Variants in OPCML observed in about 807,000 individuals in gnomAD.
OPCML encodes the protein opioid-binding protein/cell adhesion molecule.
In OPCML, 13 loss-of-function variants were observed where a neutral mutation model predicts 37.8. The ratio of observed to expected loss-of-function variants is 0.34; its 90% CI spans 0.22 to 0.55. OPCML has a LOEUF of 0.55. Ranked by LOEUF, OPCML falls within the 20% of genes least tolerant of loss-of-function variation. The pLI, the probability that OPCML is intolerant of heterozygous loss-of-function variation, is 0.91. For synonymous variants in OPCML, 176 were observed against 168.8 expected, an observed-to-expected ratio of 1.04 and a Z score of -0.33; for missense variants, 341 against 435.6, an observed-to-expected ratio of 0.78 and a Z score of 1.93.
intron 4 of OPCML, among the ~76,000 whole-genome samples, chr11:132,510,474 A>G (rs1434214625): frequency 1.3e-5 from 2 of 152,120 alleles, no homozygotes; most frequent in Non-Finnish European, 2.9e-5. Flanking sequence ...TCTCATCTTG[A>G]ATTGTATCTC....
At chr11:133,054,586 C>A (rs1033063188) in intron 1 of OPCML, among the ~76,000 whole-genome samples, 8 of 152,348 alleles carry the variant, frequency 5.3e-5, no homozygotes, top group African/African-American at 1.4e-4. Flanking sequence ...CACATCATCA[C>A]AGGGGCATAG....
rs138153737 is a variant in OPCML, at chr11:133,151,813, T to A, written c.62-208803A>T. ...AATCTTGGTCTAGAGTTCTCTAGAT[T>A]TCAGCAAAAATCTCAACTGAGATCC... On this transcript the variant is annotated intron_variant, in intron 1 of 7. Coordinates refer to ENST00000524381, the MANE Select transcript of OPCML (RefSeq NM_001012393.5). Among the ~76,000 whole-genome samples the A allele has an allele frequency of 1.1e-3, 171 of 152,118 alleles. 2 individuals carry two copies. Among genetic ancestry groups the A allele is most frequent in the African/African-American group, 4.1e-3 (169 of 41,494 alleles).
At chr11:133,497,444 T>C (rs948039889) in intron 1 of OPCML, among the ~76,000 whole-genome samples, 4 of 152,202 alleles carry the variant, frequency 2.6e-5, no homozygotes, top group Admixed American at 6.5e-5. Context: ...TTGCCTTTCA[T>C]TGAGCGTTTC....
At chr11:133,372,914 T>C (rs1170155852) in intron 1 of OPCML, among the ~76,000 whole-genome samples, 1 of 152,230 alleles carries the variant, frequency 6.6e-6, no homozygotes, top group Non-Finnish European at 1.5e-5. Flanking sequence ...TTACTTTACA[T>C]AGGCATTTGA....
chr11:132,982,039 C>T (rs1213601909), intron 1 of OPCML, among the ~76,000 whole-genome samples: 7 of 152,124 alleles, frequency 4.6e-5, no homozygotes, highest in Admixed American at 3.3e-4. Context: ...TAATGTTCTG[C>T]CGAGCCTTGT....
chr11:133,164,115 C>T (rs1345784593), intron 1 of OPCML, among the ~76,000 whole-genome samples: 1 of 152,184 alleles, frequency 6.6e-6, no homozygotes, highest in East Asian at 1.9e-4. Flanking sequence ...ATTAAGTGAC[C>T]TTATACCAAG....
intron 4 of OPCML, among the ~76,000 whole-genome samples, chr11:132,450,570 G>A (rs978141881): frequency 6.6e-6 from 1 of 152,036 alleles, no homozygotes; most frequent in African/African-American, 2.4e-5. Flanking sequence ...TACTTCCACT[G>A]GACTCTAGAG....
At chr11:132,982,514 CAAA>C (rs71696344) in intron 1 of OPCML, among the ~76,000 whole-genome samples, 10,467 of 134,976 alleles carry the variant, frequency 0.078, 753 homozygotes, top group East Asian at 0.25. Context: ...AGGCTTAGAG[CAAA>C]AAAAAAAAAA....
chr11:133,337,451 G>T lies in OPCML; in HGVS notation c.61+194813C>A, dbSNP rs149076248. Among the ~76,000 whole-genome samples the T allele has an allele frequency of 4.1e-3, 618 of 152,306 alleles. 4 individuals are homozygous for T. Among genetic ancestry groups the T allele is most frequent in the African/African-American group, 0.013 (539 of 41,572 alleles). On this transcript the variant is annotated intron_variant, in intron 1 of 7. Transcript: ENST00000524381. Reference sequence around the variant, plus strand: ...CCATGGAAGTCTCGCAGGATCCGCTGCAGGGCCAGTAACAACAGAGACTGC... The same window carrying T: ...CCATGGAAGTCTCGCAGGATCCGCTTCAGGGCCAGTAACAACAGAGACTGC...
chr11:132,775,048 T>C (rs909594012), intron 2 of OPCML, among the ~76,000 whole-genome samples: 1 of 152,216 alleles, frequency 6.6e-6, no homozygotes, highest in South Asian at 2.1e-4. Context: ...TATATTACAA[T>C]TGATATTTTT....
intron 1 of OPCML, among the ~76,000 whole-genome samples, chr11:133,333,118 G>C (rs577102418): frequency 6.6e-6 from 1 of 152,230 alleles, no homozygotes; most frequent in East Asian, 1.9e-4. Context: ...GAGTGCAATG[G>C]TGTGATCTCA....
At chr11:133,082,957 G>C (rs1411735084) in intron 1 of OPCML, among the ~76,000 whole-genome samples, 1 of 150,826 alleles carries the variant, frequency 6.6e-6, no homozygotes, top group Non-Finnish European at 1.5e-5. Context: ...GTGCCTCGCC[G>C]GGACCGCACC....
At chr11:133,454,401 A>G (rs1282461559) in intron 1 of OPCML, among the ~76,000 whole-genome samples, 2 of 152,222 alleles carry the variant, frequency 1.3e-5, no homozygotes, top group Non-Finnish European at 2.9e-5. Context: ...GCCATAGATT[A>G]GCAACAAAAT....
chr11:132,609,025 C>T (rs1305418407), intron 3 of OPCML, among the ~76,000 whole-genome samples: 1 of 152,136 alleles, frequency 6.6e-6, no homozygotes, highest in African/African-American at 2.4e-5. Context: ...CCTCCCCTGT[C>T]TTACTATGAT....
chr11:132,754,642 T>C (rs1414560247), intron 2 of OPCML, among the ~76,000 whole-genome samples: 1 of 152,078 alleles, frequency 6.6e-6, no homozygotes, highest in African/African-American at 2.4e-5. Context: ...ACTGGGAGAT[T>C]CTCCTGAGAA....
intron 4 of OPCML, among the ~76,000 whole-genome samples, chr11:132,524,240 G>A (rs569511093): frequency 7.9e-5 from 12 of 152,270 alleles, no homozygotes; most frequent in South Asian, 6.2e-4. Flanking sequence ...TTTCAGGAAC[G>A]GGAAAGGAAG....
At chr11:133,178,942 T>C (rs1565488573) in intron 1 of OPCML, among the ~76,000 whole-genome samples, 1 of 152,174 alleles carries the variant, frequency 6.6e-6, no homozygotes, top group Non-Finnish European at 1.5e-5. Flanking sequence ...TCGCTGCCTC[T>C]AAAGGGGAAA....
At chr11:132,446,149 G>A (rs2096054512) in intron 4 of OPCML, among the ~76,000 whole-genome samples, 1 of 111,038 alleles carries the variant, frequency 9.0e-6, no homozygotes, top group Admixed American at 1.1e-4. Flanking sequence ...TTCATTATGT[G>A]TGGGAAGAAT....
chr11:132,451,510 C>T (rs1565573674), intron 4 of OPCML, among the ~76,000 whole-genome samples: 2 of 152,152 alleles, frequency 1.3e-5, no homozygotes, highest in Non-Finnish European at 1.5e-5. Flanking sequence ...GAAGAAAATA[C>T]CCAGCTCTGG....
Sources: allele counts gnomAD v4.1 joint callset (sites outside exome capture counted in the v4.1 genomes callset), GRCh38; gene constraint gnomAD v4.1.1; transcripts MANE v1.5; gene names NCBI Gene and HGNC (gene_info 2026-07-23, HGNC 2026-07-21).